Variants in PCDHGB1 observed in about 807,000 individuals in gnomAD.
PCDHGB1 encodes protocadherin gamma-B1.
A neutral mutation model predicts 56.6 loss-of-function variants in PCDHGB1; 34 were observed. That is an observed-to-expected ratio of 0.60 (90% CI 0.46 to 0.80). PCDHGB1 has a LOEUF of 0.80. Ranked by LOEUF, PCDHGB1 falls within the 30% of genes least tolerant of loss-of-function variation. The probability of loss-of-function intolerance (pLI) is 0.00; values close to 1 mark genes in which losing one functional copy is unlikely to be tolerated. For synonymous variants in PCDHGB1, 561 were observed against 505.9 expected, an observed-to-expected ratio of 1.11 and a Z score of -1.46; for missense variants, 1,278 against 1,204.6, an observed-to-expected ratio of 1.06 and a Z score of -0.90.
At chr5:141,394,419 G>C in intron 1 of PCDHGB1, 1 of 1,614,224 alleles carries the variant, frequency 6.2e-7, no homozygotes, top group East Asian at 2.2e-5. Context: ...AACAGCCAGC[G>C]ACAGCGGGGA....
intron 1 of PCDHGB1, chr5:141,375,663 A>G: frequency 6.2e-7 from 1 of 1,614,108 alleles, no homozygotes; most frequent in South Asian, 1.1e-5. Context: ...CAGTTGAGAG[A>G]CCTACAGCTG....
Position 141,365,897 on chromosome 5 carries a change from G to A in PCDHGB1, c.2409+13228G>A, listed in dbSNP as rs1278621705. The A allele has an allele frequency of 3.1e-6, 5 of 1,614,214 alleles. No individual in the cohort carries two copies. Among genetic ancestry groups the A allele is most frequent in the Admixed American group, 3.3e-5 (2 of 60,030 alleles). On this transcript the variant is annotated intron_variant, in intron 1 of 3. Transcript: ENST00000523390. ...GTATGCTCTGAGATCCTTCGACTAT[G>A]AGCAGTTGAGAGACCTACAGTTGTG...
At chr5:141,488,157 C>T (rs565677003) in intron 1 of PCDHGB1, among the ~76,000 whole-genome samples, 2 of 152,216 alleles carry the variant, frequency 1.3e-5, no homozygotes, top group South Asian at 2.1e-4. Context: ...TAGAGAGGCA[C>T]GCATCAGAGT....
Position 141,486,226 on chromosome 5 carries a change from A to G in PCDHGB1, c.2410-8581A>G, listed in dbSNP as rs889500362. 5.0e-6 allele frequency: 8 copies of G among 1,614,012 alleles called. No individual in the cohort carries two copies. The highest frequency in any genetic ancestry group is 6.8e-6 in the Non-Finnish European group (8 of 1,180,018). On this transcript the variant is annotated intron_variant, in intron 1 of 3. Transcript: ENST00000523390. This position sits in a 1 kb window ranked among gnomAD's most constrained non-coding sequence, Gnocchi z 5.0. ...TAAATGACAATGCCCCTTACATCACAGTGACCTCAGAGCTTGGAACCCTCC... is the reference window on the plus strand; with the variant it reads ...TAAATGACAATGCCCCTTACATCACGGTGACCTCAGAGCTTGGAACCCTCC...
chr5:141,375,510 C>T, intron 1 of PCDHGB1: 1 of 1,614,034 alleles, frequency 6.2e-7, no homozygotes, highest in Non-Finnish European at 8.5e-7. Context: ...TCTGTGAATG[C>T]ACTGGACCCT....
intron 1 of PCDHGB1, among the ~76,000 whole-genome samples, chr5:141,397,520 TA>T (rs2093534630): frequency 6.6e-6 from 1 of 152,170 alleles, no homozygotes; most frequent in South Asian, 2.1e-4. Flanking sequence ...CCATAGCTAA[TA>T]AAAAATGAAT....
intron 2 of PCDHGB1, among the ~76,000 whole-genome samples, chr5:141,495,407 C>T: frequency 6.6e-6 from 1 of 152,218 alleles, no homozygotes; most frequent in East Asian, 1.9e-4. Flanking sequence ...AGGCCCCCTT[C>T]TCCGGCCCCT....
At chr5:141,381,826 C>CTTTTTTTTTTTTTTTTTTTTTTTTCTTT (rs770630741) in intron 1 of PCDHGB1, among the ~76,000 whole-genome samples, 1 of 74,284 alleles carries the variant, frequency 1.3e-5, no homozygotes, top group Non-Finnish European at 2.4e-5. Context: ...CTTTCTTCTT[C>CTTTTTTTTTTTTTTTTTTTTTTTTCTTT]TTTTTTTTTT....
At chr5:141,386,997 C>T (rs1001565782) in intron 1 of PCDHGB1, among the ~76,000 whole-genome samples, 2 of 152,070 alleles carry the variant, frequency 1.3e-5, no homozygotes, top group African/African-American at 4.8e-5. Context: ...ATGTATTATC[C>T]CCCTGATAAC....
chr5:141,415,657 G>C, intron 1 of PCDHGB1: 1 of 1,576,238 alleles, frequency 6.3e-7, no homozygotes, highest in Non-Finnish European at 8.6e-7. Context: ...AAAAAAGATT[G>C]GTTTTTACTT....
At chr5:141,357,924 T>C in intron 1 of PCDHGB1, among the ~76,000 whole-genome samples, 1 of 152,216 alleles carries the variant, frequency 6.6e-6, no homozygotes, top group Non-Finnish European at 1.5e-5. Flanking sequence ...GTGTGGTGGC[T>C]CACACCTGTA....
rs559433377 is a variant in PCDHGB1, at chr5:141,432,679, G to A, written c.2410-62128G>A. ...TGCTGGACAGAGACGCGCTCAAGCAGAGCCTCGTAGTGGCCGTCCAGGACC... is the reference window on the plus strand; with the variant it reads ...TGCTGGACAGAGACGCGCTCAAGCAAAGCCTCGTAGTGGCCGTCCAGGACC... On this transcript the variant is annotated intron_variant, in intron 1 of 3. Transcript: ENST00000523390. The surrounding 1 kb of genome is among the most constrained non-coding windows in gnomAD (Gnocchi z 6.0). The A allele has an allele frequency of 2.3e-4, 369 of 1,613,834 alleles. 1 individual carries two copies. The highest frequency in any genetic ancestry group is 1.7e-4 in the Middle Eastern group (1 of 6,056).
intron 1 of PCDHGB1, among the ~76,000 whole-genome samples, chr5:141,455,749 C>A (rs2098830563): frequency 6.6e-6 from 1 of 152,086 alleles, no homozygotes; most frequent in Non-Finnish European, 1.5e-5. Context: ...AGGTTGCTGG[C>A]CTGGCTCCTA....
Position 141,489,065 on chromosome 5 carries a change from C to T in PCDHGB1, c.2410-5742C>T, listed in dbSNP as rs558074504. On this transcript the variant is annotated intron_variant, in intron 1 of 3. Coordinates refer to ENST00000523390, the MANE Select transcript of PCDHGB1 (RefSeq NM_018922.3). This position sits in a 1 kb window ranked among gnomAD's most constrained non-coding sequence, Gnocchi z 4.5. ...CCACTCAAATTCAGCTCCCCTCCCC[C>T]CTGCCCACCCCCGCCACTCGGTGAC... 3.3e-5 allele frequency: 13 copies of T among 388,932 alleles called. 1 individual carries two copies. Among genetic ancestry groups the T allele is most frequent in the African/African-American group, 8.5e-5 (4 of 47,158 alleles). 24.1% of individuals were successfully genotyped at this position (388,932 alleles called of 1,614,324 possible).
chr5:141,376,686 T>G (rs543583265), intron 1 of PCDHGB1: 153 of 814,322 alleles, frequency 1.9e-4, no homozygotes, highest in Middle Eastern at 1.5e-3. Flanking sequence ...GTTTTTTTTT[T>G]TTTTTTTTTT....
At chr5:141,356,834 A>ATG in intron 1 of PCDHGB1, 2 of 1,614,166 alleles carry the variant, frequency 1.2e-6, no homozygotes, top group Non-Finnish European at 1.7e-6. Flanking sequence ...CTCAGCAGCA[A>ATG]TGTGTCACTG....
chr5:141,361,675 G>T, intron 1 of PCDHGB1: 1 of 1,613,636 alleles, frequency 6.2e-7, no homozygotes, highest in Non-Finnish European at 8.5e-7. Context: ...GAGCGGGGTG[G>T]TGTTCGCGCA....
chr5:141,399,699 C>A lies in PCDHGB1; in HGVS notation c.2409+47030C>A, dbSNP rs555724833. ...TTGACTACGAGCAGCTGCGCACCTT[C>A]GAACTCACACTACAGGCCCGCGACC... On this transcript the variant is annotated intron_variant, in intron 1 of 3. Coordinates refer to ENST00000523390, the MANE Select transcript of PCDHGB1 (RefSeq NM_018922.3). The A allele has an allele frequency of 1.9e-6, 3 of 1,613,476 alleles. No homozygotes were observed. In the East Asian group the frequency reaches 6.7e-5, roughly 36 times the overall value.
intron 1 of PCDHGB1, chr5:141,357,816 T>C: frequency 1.4e-6 from 1 of 715,180 alleles, no homozygotes; most frequent in Non-Finnish European, 2.2e-6. Context: ...TTATTACTTA[T>C]CCTTTTTGGT....
Sources: allele counts gnomAD v4.1 joint callset (sites outside exome capture counted in the v4.1 genomes callset), GRCh38; gene constraint gnomAD v4.1.1; non-coding constraint Gnocchi (gnomAD v3.1); transcripts MANE v1.5; gene names NCBI Gene and HGNC (gene_info 2026-07-23, HGNC 2026-07-21).